The following IQCM variants were observed in gnomAD, a reference collection of about 807,000 sequenced individuals.
IQCM encodes IQ motif containing M, also known as IQ domain-containing protein M.
In IQCM, 45 loss-of-function variants were observed where a neutral mutation model predicts 57.6. That is an observed-to-expected ratio of 0.78 (90% CI 0.62 to 1.00). The LOEUF (loss-of-function observed/expected upper bound fraction) is 1.00, where lower values mean the gene tolerates loss of function less well. IQCM is among the 50% of genes least tolerant of loss of function. IQCM has a pLI of 0.00. For missense variants in IQCM, 468 were observed against 511.6 expected (o/e 0.91, Z 0.82); for synonymous variants, 148 against 158.9 (o/e 0.93, Z 0.51).
At chr4:149,366,582 A>G (rs764250375) in intron 13 of IQCM, among the ~76,000 whole-genome samples, 10 of 151,916 alleles carry the variant, frequency 6.6e-5, no homozygotes, top group Admixed American at 1.3e-4. Flanking sequence ...CTCTATGTCA[A>G]TGTTTACCAC....
intron 12 of IQCM, among the ~76,000 whole-genome samples, chr4:149,474,313 C>A (rs1007568733): frequency 6.6e-5 from 10 of 151,852 alleles, no homozygotes; most frequent in Non-Finnish European, 1.5e-4. Context: ...GCCAGTAATC[C>A]CAGAACTTTG....
At chr4:149,793,969 G>A (rs987311314) in intron 2 of IQCM, among the ~76,000 whole-genome samples, 1 of 152,186 alleles carries the variant, frequency 6.6e-6, no homozygotes, top group African/African-American at 2.4e-5. Flanking sequence ...AAGTGAATGA[G>A]GTGTGGAAGC....
intron 5 of IQCM, among the ~76,000 whole-genome samples, chr4:149,724,649 T>C (rs1264383248): frequency 6.6e-6 from 1 of 151,986 alleles, no homozygotes; most frequent in Admixed American, 6.6e-5. Flanking sequence ...AACAACTCCA[T>C]ATCAACCCTA....
At chr4:149,495,368 A>G in intron 12 of IQCM, among the ~76,000 whole-genome samples, 1 of 152,130 alleles carries the variant, frequency 6.6e-6, no homozygotes, top group Admixed American at 6.6e-5. Flanking sequence ...TCAATCTCAC[A>G]CAAACCCATG....
At chr4:149,443,448 C>A (rs753548413) in intron 12 of IQCM, among the ~76,000 whole-genome samples, 15 of 151,784 alleles carry the variant, frequency 9.9e-5, no homozygotes, top group Non-Finnish European at 2.1e-4. Flanking sequence ...AAACAACATT[C>A]AATGAAATAA....
At chr4:149,379,737 A>C (rs1398793186) in intron 13 of IQCM, among the ~76,000 whole-genome samples, 1 of 152,142 alleles carries the variant, frequency 6.6e-6, no homozygotes, top group East Asian at 1.9e-4. Flanking sequence ...TACTGAAATG[A>C]GTTAAGACTT....
At chr4:149,799,537 T>C (rs1773413972) in intron 2 of IQCM, among the ~76,000 whole-genome samples, 1 of 151,504 alleles carries the variant, frequency 6.6e-6, no homozygotes, top group East Asian at 1.9e-4. Flanking sequence ...AAAAGATCAA[T>C]GAGACAAAAA....
intron 8 of IQCM, among the ~76,000 whole-genome samples, chr4:149,600,530 C>T (rs1754180299): frequency 6.6e-6 from 1 of 152,104 alleles, no homozygotes; most frequent in Admixed American, 6.5e-5. Context: ...ACTTAGCCAT[C>T]AGCAATTTTG....
chr4:149,813,230 A>G (rs1580361858), intron 2 of IQCM, among the ~76,000 whole-genome samples: 1 of 152,242 alleles, frequency 6.6e-6, no homozygotes, highest in African/African-American at 2.4e-5. Context: ...CTGTACTATT[A>G]GCTTCAGATC....
At chr4:149,634,141 C>G (rs1757526475) in intron 7 of IQCM, among the ~76,000 whole-genome samples, 1 of 152,050 alleles carries the variant, frequency 6.6e-6, no homozygotes, top group African/African-American at 2.4e-5. Context: ...TCCTGAGTAG[C>G]TGGAATTATA....
chr4:149,694,428 C>A (rs2149801638), intron 5 of IQCM, among the ~76,000 whole-genome samples: 1 of 151,784 alleles, frequency 6.6e-6, no homozygotes, highest in African/African-American at 2.4e-5. Context: ...GTATTAATTT[C>A]TTTCCATTAC....
intron 7 of IQCM, among the ~76,000 whole-genome samples, chr4:149,654,243 A>G (rs550319714): frequency 6.6e-6 from 1 of 152,222 alleles, no homozygotes; most frequent in South Asian, 2.1e-4. Flanking sequence ...ACTGTATGAT[A>G]TGGTTTGGAT....
At chr4:149,640,904 T>A (rs1306070028) in intron 7 of IQCM, among the ~76,000 whole-genome samples, 2 of 152,154 alleles carry the variant, frequency 1.3e-5, no homozygotes. Flanking sequence ...CCGAGGCCAG[T>A]GGATCATCTA....
At chr4:149,564,976 C>T (rs151241719) in intron 9 of IQCM, among the ~76,000 whole-genome samples, 1 of 152,056 alleles carries the variant, frequency 6.6e-6, no homozygotes, top group South Asian at 2.1e-4. Flanking sequence ...TATGTATATA[C>T]CTGTTATGTT....
At chr4:149,657,824 G>A (rs769862101) in intron 7 of IQCM, among the ~76,000 whole-genome samples, 1 of 151,530 alleles carries the variant, frequency 6.6e-6, no homozygotes, top group Non-Finnish European at 1.5e-5. Flanking sequence ...TGCCTATTAA[G>A]GTCTCTTGCC....
intron 12 of IQCM, among the ~76,000 whole-genome samples, chr4:149,538,939 C>A (rs1287294511): frequency 6.6e-6 from 1 of 151,834 alleles, no homozygotes; most frequent in Non-Finnish European, 1.5e-5. Context: ...AATTTGTACC[C>A]AGAATAGAAA....
chr4:149,662,727 C>T (rs1293308893), intron 7 of IQCM, among the ~76,000 whole-genome samples: 1 of 151,872 alleles, frequency 6.6e-6, no homozygotes, highest in East Asian at 1.9e-4. Context: ...GCTACTCCTG[C>T]TCAGTTTTGT....
At chr4:149,662,600 A>C (rs1046739724) in intron 7 of IQCM, among the ~76,000 whole-genome samples, 2 of 151,964 alleles carry the variant, frequency 1.3e-5, no homozygotes, top group Admixed American at 6.6e-5. Context: ...GTGCTGGGTG[A>C]ATATATATTT....
At chr4:149,671,119 A>G (rs561740578) in intron 7 of IQCM, among the ~76,000 whole-genome samples, 2 of 150,762 alleles carry the variant, frequency 1.3e-5, no homozygotes, top group South Asian at 4.2e-4. Context: ...CTGGTCCTGG[A>G]CTCTTTTTGG....
Sources: allele counts gnomAD v4.1 joint callset (sites outside exome capture counted in the v4.1 genomes callset), GRCh38; gene constraint gnomAD v4.1.1; transcripts MANE v1.5; gene names NCBI Gene and HGNC (gene_info 2026-07-23, HGNC 2026-07-21).